Variants in PAX5 observed in about 807,000 individuals in gnomAD.
PAX5 encodes the protein paired box protein Pax-5.
Under a neutral mutation model 43.7 loss-of-function variants are expected in PAX5, and 9 were observed. The ratio of observed to expected loss-of-function variants is 0.21; its 90% CI spans 0.12 to 0.36. PAX5 has a LOEUF of 0.36. Ranked by LOEUF, PAX5 falls within the 10% of genes least tolerant of loss-of-function variation. PAX5 has a pLI of 1.00. For synonymous variants in PAX5, 228 were observed against 214.3 expected (o/e 1.06, Z -0.56); for missense variants, 383 against 532.7 (o/e 0.72, Z 2.77).
intron 1 of PAX5, among the ~76,000 whole-genome samples, chr9:37,024,853 G>T (rs1840173562): frequency 6.6e-6 from 1 of 152,204 alleles, no homozygotes; most frequent in Admixed American, 6.5e-5. Context: ...GGGCCACCGA[G>T]CGCTGGGCGG....
chr9:36,942,005 G>A (rs189809311), intron 6 of PAX5, among the ~76,000 whole-genome samples: 4 of 152,318 alleles, frequency 2.6e-5, no homozygotes, highest in East Asian at 1.9e-4. Context: ...AGCAGCACTC[G>A]ATCAAGTGCT....
chr9:36,865,395 G>A (rs912221463), intron 8 of PAX5, among the ~76,000 whole-genome samples: 2 of 152,192 alleles, frequency 1.3e-5, no homozygotes, highest in East Asian at 3.9e-4. Flanking sequence ...CAGGTAGCAT[G>A]GGCGATTCTC....
At chr9:36,940,075 A>G (rs968432409) in intron 6 of PAX5, among the ~76,000 whole-genome samples, 1 of 152,104 alleles carries the variant, frequency 6.6e-6, no homozygotes, top group African/African-American at 2.4e-5. Flanking sequence ...TGCCTTCCTT[A>G]TTTATCCTGA....
In PAX5 at chr9:36,929,435, G is replaced by A. The variant is rs533849711; in HGVS notation, c.781-5951C>T. Among the ~76,000 whole-genome samples the A allele has an allele frequency of 8.5e-5, 13 of 152,294 alleles. No homozygotes were observed. The South Asian group carries it at 2.1e-3, about 24-fold the overall frequency. ...AGTGGCGGGGTGCAGAGGTACACAC[G>A]CAGTCACAGATGTGTAAGTGTGTTG... On this transcript the variant is annotated intron_variant, in intron 6 of 9. Transcript: ENST00000358127.
intron 7 of PAX5, among the ~76,000 whole-genome samples, chr9:36,911,738 G>T (rs1829308136): frequency 6.6e-6 from 1 of 152,218 alleles, no homozygotes; most frequent in Non-Finnish European, 1.5e-5. Context: ...ATGGAAAAAT[G>T]AACAAATCGC....
intron 8 of PAX5, among the ~76,000 whole-genome samples, chr9:36,871,443 G>A (rs888629089): frequency 6.6e-6 from 1 of 152,136 alleles, no homozygotes; most frequent in Admixed American, 6.5e-5. Context: ...AACCTCTCAG[G>A]GCTGGGAGAA....
chr9:37,025,947 G>A (rs746643687), intron 1 of PAX5, among the ~76,000 whole-genome samples: 1 of 152,216 alleles, frequency 6.6e-6, no homozygotes, highest in Non-Finnish European at 1.5e-5. Flanking sequence ...CGGCTCCTAA[G>A]CAGAAGCTGA....
At chr9:36,965,088 C>T (rs1834302555) in intron 6 of PAX5, among the ~76,000 whole-genome samples, 2 of 152,202 alleles carry the variant, frequency 1.3e-5, no homozygotes, top group South Asian at 4.2e-4. Flanking sequence ...TCCACTCAAC[C>T]CCTTCAGGCT....
At chr9:36,867,058 G>T (rs1403318177) in intron 8 of PAX5, among the ~76,000 whole-genome samples, 81 of 14,496 alleles carry the variant, frequency 5.6e-3, no homozygotes, top group African/African-American at 0.012. Flanking sequence ...TGGATGGGGT[G>T]GTGGGGGGGG....
intron 7 of PAX5, among the ~76,000 whole-genome samples, chr9:36,921,931 G>A (rs1416755160): frequency 5.9e-5 from 9 of 152,062 alleles, no homozygotes; most frequent in African/African-American, 1.7e-4. Context: ...GGACCCCCTC[G>A]GACACCTGTG....
chr9:36,928,691 C>T (rs1359448530), intron 6 of PAX5, among the ~76,000 whole-genome samples: 1 of 152,162 alleles, frequency 6.6e-6, no homozygotes, highest in Non-Finnish European at 1.5e-5. Flanking sequence ...TACCCCACAT[C>T]GAGTCAGGTC....
chr9:36,955,267 G>A (rs7023870), intron 6 of PAX5, among the ~76,000 whole-genome samples: 15,920 of 151,958 alleles, frequency 0.1, 1,080 homozygotes, highest in African/African-American at 0.19. Flanking sequence ...TTTAAATTGT[G>A]AGCTTATTTA....
Position 36,902,010 on chromosome 9 carries a change from A to G in PAX5, c.911-19905T>C, listed in dbSNP as rs540129552. Among the ~76,000 whole-genome samples, 228 of 152,262 alleles carry G rather than the reference A, an allele frequency of 1.5e-3. No homozygotes were observed. In the Middle Eastern group the frequency reaches 0.024, roughly 16 times the overall value. On this transcript the variant is annotated intron_variant, in intron 7 of 9. Coordinates refer to ENST00000358127, the MANE Select transcript of PAX5 (RefSeq NM_016734.3). Reference sequence around the variant, plus strand: ...TCTATCTGCTGCTTCTTTTAGAGTAAGGGTGAGGGAGGGCTCCCATCCCCT... The same window carrying G: ...TCTATCTGCTGCTTCTTTTAGAGTAGGGGTGAGGGAGGGCTCCCATCCCCT...
intron 6 of PAX5, among the ~76,000 whole-genome samples, chr9:36,943,051 C>A (rs1481471794): frequency 6.6e-6 from 1 of 152,220 alleles, no homozygotes; most frequent in Non-Finnish European, 1.5e-5. Context: ...CTTGTGCTTA[C>A]CCTCCTCCAG....
intron 8 of PAX5, among the ~76,000 whole-genome samples, chr9:36,881,026 T>G (rs1364186284): frequency 6.6e-6 from 1 of 152,192 alleles, no homozygotes; most frequent in African/African-American, 2.4e-5. Context: ...TAGTCAGTAA[T>G]AATGCATTGC....
intron 3 of PAX5, among the ~76,000 whole-genome samples, chr9:37,012,151 G>A (rs963795969): frequency 6.6e-6 from 1 of 152,188 alleles, no homozygotes; most frequent in African/African-American, 2.4e-5. Context: ...AAGGATGAGA[G>A]AGGGCAGGCA....
At chr9:36,939,749 G>C (rs993556538) in intron 6 of PAX5, among the ~76,000 whole-genome samples, 1 of 152,128 alleles carries the variant, frequency 6.6e-6, no homozygotes, top group Non-Finnish European at 1.5e-5. Flanking sequence ...ATCAAAATGG[G>C]ACTTCACAGC....
chr9:36,849,329 C>CT (rs562361846), intron 8 of PAX5, among the ~76,000 whole-genome samples: 1 of 152,134 alleles, frequency 6.6e-6, no homozygotes, highest in African/African-American at 2.4e-5. Context: ...CTCTTTCCTG[C>CT]TTTTTTTTCT....
intron 6 of PAX5, among the ~76,000 whole-genome samples, chr9:36,940,160 T>C (rs1419273737): frequency 6.6e-6 from 1 of 152,200 alleles, no homozygotes; most frequent in Non-Finnish European, 1.5e-5. Flanking sequence ...CTTGAGGCAA[T>C]TGCGTTGGTC....
Sources: gnomAD v4.1 joint callset for allele counts (sites outside exome capture counted in the v4.1 genomes callset) on GRCh38, gnomAD v4.1.1 for gene constraint, MANE v1.5 for transcripts, NCBI Gene and HGNC (gene_info 2026-07-23, HGNC 2026-07-21) for gene names.